CA10: variants seen among roughly 807,000 people sequenced by gnomAD.
CA10 encodes carbonic anhydrase-related protein 10.
In CA10, 14 loss-of-function variants were observed where a neutral mutation model predicts 44.2. The ratio of observed to expected loss-of-function variants is 0.32; its 90% CI spans 0.21 to 0.50. The LOEUF (loss-of-function observed/expected upper bound fraction) is 0.50, where lower values mean the gene tolerates loss of function less well. CA10 is among the 20% of genes least tolerant of loss of function. The pLI, the probability that CA10 is intolerant of heterozygous loss-of-function variation, is 0.99. For missense variants in CA10, 350 were observed against 409.7 expected (o/e 0.85, Z 1.26); for synonymous variants, 159 against 141.6 (o/e 1.12, Z -0.87).
intron 2 of CA10, among the ~76,000 whole-genome samples, chr17:52,002,890 A>G (rs1985474326): frequency 6.6e-6 from 1 of 151,950 alleles, no homozygotes; most frequent in Admixed American, 6.6e-5. Flanking sequence ...GAGATCCCAC[A>G]CAATTAGCAA....
chr17:52,004,251 G>A (rs1489988519), intron 2 of CA10, among the ~76,000 whole-genome samples: 1 of 151,788 alleles, frequency 6.6e-6, no homozygotes, highest in Non-Finnish European at 1.5e-5. Context: ...TTACCCTTTA[G>A]CAGTCAGTCC....
intron 3 of CA10, among the ~76,000 whole-genome samples, chr17:51,849,171 AT>A (rs1978640528): frequency 2.9e-5 from 3 of 102,778 alleles, no homozygotes; most frequent in Non-Finnish European, 6.2e-5. Flanking sequence ...ATGTATATAT[AT>A]ATACATATAT....
At chr17:51,856,158 G>A (rs1279850053) in intron 3 of CA10, among the ~76,000 whole-genome samples, 1 of 152,170 alleles carries the variant, frequency 6.6e-6, no homozygotes, top group Admixed American at 6.5e-5. Context: ...TGCTGCCAGT[G>A]CTTTCTATTT....
chr17:52,068,298 T>C (rs1474049535), intron 2 of CA10, among the ~76,000 whole-genome samples: 2 of 152,226 alleles, frequency 1.3e-5, no homozygotes, highest in East Asian at 3.8e-4. Flanking sequence ...CCTGCAGCCT[T>C]GTAAAGAAGG....
At chr17:51,990,924 G>A (rs1985016714) in intron 2 of CA10, among the ~76,000 whole-genome samples, 1 of 152,070 alleles carries the variant, frequency 6.6e-6, no homozygotes, top group Non-Finnish European at 1.5e-5. Flanking sequence ...AAATAAAACA[G>A]ATACCAGAAA....
chr17:51,665,361 A>T (rs919329362), intron 4 of CA10, among the ~76,000 whole-genome samples: 1 of 152,200 alleles, frequency 6.6e-6, no homozygotes, highest in Non-Finnish European at 1.5e-5. Flanking sequence ...TCTGTCATTC[A>T]GTAGGTAGGT....
At chr17:51,920,674 G>A (rs948372449) in intron 3 of CA10, among the ~76,000 whole-genome samples, 3 of 152,110 alleles carry the variant, frequency 2.0e-5, no homozygotes, top group Admixed American at 1.3e-4. Flanking sequence ...GACAGTGAGC[G>A]GCAATCCTCA....
At chr17:51,788,057 T>C (rs1007353278) in intron 3 of CA10, among the ~76,000 whole-genome samples, 24 of 152,200 alleles carry the variant, frequency 1.6e-4, no homozygotes, top group Non-Finnish European at 1.5e-5. Context: ...GGTTGCTTAT[T>C]TGAAATTTTT....
chr17:52,118,258 A>G (rs1188315095), intron 1 of CA10, among the ~76,000 whole-genome samples: 1 of 152,194 alleles, frequency 6.6e-6, no homozygotes. Context: ...GTAAAGGATA[A>G]TGAGCGATTT....
chr17:51,961,736 C>T (rs893627360), intron 2 of CA10, among the ~76,000 whole-genome samples: 1 of 152,254 alleles, frequency 6.6e-6, no homozygotes, highest in Non-Finnish European at 1.5e-5. Context: ...ATAAAAACTA[C>T]CAAAACTGAC....
chr17:52,039,496 C>A (rs1350440740), intron 2 of CA10, among the ~76,000 whole-genome samples: 1 of 152,002 alleles, frequency 6.6e-6, no homozygotes, highest in African/African-American at 2.4e-5. Flanking sequence ...ATGGCTGAAC[C>A]AATGGGCTCC....
chr17:52,008,032 T>C (rs1377016701), intron 2 of CA10, among the ~76,000 whole-genome samples: 1 of 151,682 alleles, frequency 6.6e-6, no homozygotes, highest in Non-Finnish European at 1.5e-5. Flanking sequence ...GTATCTACAG[T>C]TGCATTATTT....
chr17:51,755,794 A>T (rs912302323), intron 3 of CA10, among the ~76,000 whole-genome samples: 2 of 152,200 alleles, frequency 1.3e-5, no homozygotes, highest in African/African-American at 4.8e-5. Flanking sequence ...CTACTCAAAG[A>T]TACAAAAGGA....
Position 51,826,260 on chromosome 17 carries a change from T to G in CA10, c.280-78442A>C, listed in dbSNP as rs565745101. Among the ~76,000 whole-genome samples, 6 of 152,338 alleles carry G rather than the reference T, an allele frequency of 3.9e-5. No homozygotes were observed. The South Asian group carries it at 1.2e-3, about 32-fold the overall frequency. ...TAATGACAACGTCCTTTCATGGAGATGACCCTTCTGGGACACCGTCAGCAA... is the reference window on the plus strand; with the variant it reads ...TAATGACAACGTCCTTTCATGGAGAGGACCCTTCTGGGACACCGTCAGCAA... On this transcript the variant is annotated intron_variant, in intron 3 of 8. Coordinates refer to ENST00000451037, the MANE Select transcript of CA10 (RefSeq NM_020178.5).
intron 2 of CA10, among the ~76,000 whole-genome samples, chr17:51,932,273 C>G (rs752808367): frequency 6.6e-6 from 1 of 152,062 alleles, no homozygotes; most frequent in African/African-American, 2.4e-5. Context: ...TCACATTAGC[C>G]TTCTTAAATG....
chr17:51,657,729 T>C (rs1913846462), intron 4 of CA10, among the ~76,000 whole-genome samples: 1 of 152,328 alleles, frequency 6.6e-6, no homozygotes, highest in African/African-American at 2.4e-5. Flanking sequence ...ACTTTAAGGC[T>C]TATGCAGAGT....
chr17:51,640,084 A>G (rs1913019484), intron 6 of CA10, among the ~76,000 whole-genome samples: 1 of 152,056 alleles, frequency 6.6e-6, no homozygotes, highest in Non-Finnish European at 1.5e-5. Flanking sequence ...GTCAATCATT[A>G]TTTGCCTATT....
chr17:51,868,883 GTTTT>G (rs138620002), intron 3 of CA10, among the ~76,000 whole-genome samples: 2 of 148,582 alleles, frequency 1.3e-5, no homozygotes, highest in African/African-American at 2.5e-5. Context: ...GAAGCCAAAA[GTTTT>G]TTTGTTTTTT....
At chr17:52,102,892 A>T (rs1427132459) in intron 1 of CA10, among the ~76,000 whole-genome samples, 2 of 152,164 alleles carry the variant, frequency 1.3e-5, no homozygotes, top group Non-Finnish European at 2.9e-5. Flanking sequence ...ATGTCATCCC[A>T]CATATATTCT....
Sources: gnomAD v4.1 joint callset for allele counts (sites outside exome capture counted in the v4.1 genomes callset) on GRCh38, gnomAD v4.1.1 for gene constraint, MANE v1.5 for transcripts, NCBI Gene and HGNC (gene_info 2026-07-23, HGNC 2026-07-21) for gene names.